The following MRPS28 variants were observed in gnomAD, a reference collection of about 807,000 sequenced individuals.
MRPS28 encodes the protein small ribosomal subunit protein bS1m.
MRPS28 carries 7 observed loss-of-function variants against 10.8 expected under a neutral mutation model. That is an observed-to-expected ratio of 0.65 (90% CI 0.37 to 1.22). The LOEUF is 1.22. MRPS28 is among the 50% of genes most tolerant of loss of function. The pLI is 0.02. For missense variants in MRPS28, 265 were observed against 232.9 expected, an observed-to-expected ratio of 1.14 and a Z score of -0.90; for synonymous variants, 121 against 93.3, an observed-to-expected ratio of 1.30 and a Z score of -1.71.
At chr8:79,973,685 T>G (rs1342015543) in intron 2 of MRPS28, among the ~76,000 whole-genome samples, 1 of 151,886 alleles carries the variant, frequency 6.6e-6, no homozygotes, top group African/African-American at 2.4e-5. Flanking sequence ...AAAAGAAAAT[T>G]TGGCCAAGTA....
chr8:79,919,276 T>C, intron 2 of MRPS28, 128 bp from the exon 3 acceptor site: 1 of 610,260 alleles, frequency 1.6e-6, no homozygotes. Context: ...ACTGGTATCT[T>C]AGAAATAGCT....
At chr8:80,002,529 C>T (rs777364516) in intron 2 of MRPS28, among the ~76,000 whole-genome samples, 8 of 152,012 alleles carry the variant, frequency 5.3e-5, no homozygotes, top group Non-Finnish European at 1.2e-4. Context: ...TTCTCCAGTG[C>T]CTATTTATAT....
chr8:79,937,164 C>T (rs1806625408), intron 2 of MRPS28, among the ~76,000 whole-genome samples: 1 of 152,182 alleles, frequency 6.6e-6, no homozygotes, highest in Admixed American at 6.5e-5. Context: ...CACCTGGCCA[C>T]AAGCTCTTAG....
At chr8:79,978,445 T>C (rs895182900) in intron 2 of MRPS28, among the ~76,000 whole-genome samples, 7 of 152,272 alleles carry the variant, frequency 4.6e-5, no homozygotes, top group East Asian at 1.9e-4. Flanking sequence ...TCACCATGCA[T>C]TGTGGATCAG....
intron 2 of MRPS28, among the ~76,000 whole-genome samples, chr8:79,981,946 T>C (rs2130079704): frequency 6.6e-6 from 1 of 152,328 alleles, no homozygotes; most frequent in East Asian, 1.9e-4. Flanking sequence ...CTATTTTAGG[T>C]CCAAAGTTAA....
chr8:79,919,941 T>TA (rs1810034640), intron 2 of MRPS28, among the ~76,000 whole-genome samples: 1 of 89,420 alleles, frequency 1.1e-5, no homozygotes, highest in Non-Finnish European at 2.2e-5. Flanking sequence ...ATGCTATCCC[T>TA]CCCCCCACCC....
intron 2 of MRPS28, among the ~76,000 whole-genome samples, chr8:79,994,366 A>G (rs1269570331): frequency 6.6e-6 from 1 of 152,202 alleles, no homozygotes; most frequent in Non-Finnish European, 1.5e-5. Context: ...AAAGTGATCT[A>G]CATCCGGGCA....
chr8:79,956,514 A>G (rs531431353), intron 2 of MRPS28: 1 of 152,290 alleles, frequency 6.6e-6, no homozygotes, highest in East Asian at 1.9e-4. Context: ...AGGGGTACAC[A>G]TGAAGGTTTG....
At chr8:79,926,020 GAGAAA>G (rs1329223847) in intron 2 of MRPS28, among the ~76,000 whole-genome samples, 2 of 150,876 alleles carry the variant, frequency 1.3e-5, no homozygotes, top group Non-Finnish European at 3.0e-5. Flanking sequence ...GAAAAAAAGA[GAGAAA>G]AGAAAAGAGG....
intron 1 of MRPS28, among the ~76,000 whole-genome samples, chr8:80,003,998 C>A (rs1000030716): frequency 4.6e-5 from 7 of 152,216 alleles, no homozygotes; most frequent in Admixed American, 3.9e-4. Flanking sequence ...GAAGCTCCAA[C>A]TGGGTGGAGC....
chr8:79,918,990 TG>T lies in MRPS28; in HGVS notation c.553del (p.His185MetfsTer5), dbSNP rs752936040. The part of the protein sequence containing the change: ...SKDSRSKEEH[H>X]EK The stretch of plus-strand genomic sequence containing the variant: ...CTAAGCAAAGTTCATTTATTTTTCA[TG>T]ATGTTCTTCTTTCGATCTTGAGTCT... On this transcript the variant is annotated frameshift_variant, in exon 3 of 3. Coordinates refer to ENST00000276585, the MANE Select transcript of MRPS28 (RefSeq NM_014018.3). LOFTEE classifies it high-confidence loss of function. 1 of 1,551,174 alleles carries T rather than the reference TG, an allele frequency of 6.4e-7. No individual in the cohort carries two copies. The highest frequency in any genetic ancestry group is 1.3e-5 in the South Asian group (1 of 78,966).
At chr8:79,969,693 T>C (rs1036122267) in intron 2 of MRPS28, among the ~76,000 whole-genome samples, 8 of 151,562 alleles carry the variant, frequency 5.3e-5, no homozygotes, top group African/African-American at 7.3e-5. Flanking sequence ...CTGGGCAAAA[T>C]AGCAAAACCC....
intron 2 of MRPS28, among the ~76,000 whole-genome samples, chr8:79,977,814 C>G (rs1268127517): frequency 6.8e-6 from 1 of 147,480 alleles, no homozygotes; most frequent in Non-Finnish European, 1.5e-5. Context: ...GAGACTGTCT[C>G]AAATAATAAT....
chr8:80,026,330 A>T (rs910861557), intron 1 of MRPS28, among the ~76,000 whole-genome samples: 2 of 152,210 alleles, frequency 1.3e-5, no homozygotes, highest in African/African-American at 4.8e-5. Context: ...ACTAAAACTA[A>T]TGTGGTATTT....
chr8:79,969,436 T>G (rs561683525), intron 2 of MRPS28, among the ~76,000 whole-genome samples: 1 of 152,054 alleles, frequency 6.6e-6, no homozygotes, highest in Non-Finnish European at 1.5e-5. Context: ...TAGAAAGAAA[T>G]CTCACAGAAC....
chr8:79,995,042 G>A (rs1436939884), intron 2 of MRPS28, among the ~76,000 whole-genome samples: 1 of 152,006 alleles, frequency 6.6e-6, no homozygotes, highest in East Asian at 1.9e-4. Context: ...TTGAACCATC[G>A]ATTCCTTCTC....
intron 2 of MRPS28, among the ~76,000 whole-genome samples, chr8:79,944,157 C>A (rs938668980): frequency 2.6e-5 from 4 of 152,178 alleles, no homozygotes; most frequent in African/African-American, 9.6e-5. Context: ...GAAATATGAT[C>A]TGGTTAAAAA....
At chr8:80,011,135 A>ATTTTTTTTT (rs149203015) in intron 1 of MRPS28, among the ~76,000 whole-genome samples, 9 of 136,160 alleles carry the variant, frequency 6.6e-5, no homozygotes, top group East Asian at 2.1e-4. Flanking sequence ...TTATTTTTTT[A>ATTTTTTTTT]TTTTTATTTT....
chr8:79,958,394 T>C, intron 2 of MRPS28: 1 of 698,510 alleles, frequency 1.4e-6, no homozygotes. Flanking sequence ...TATCATCACT[T>C]GTGAAAATCT....
Sources: allele counts gnomAD v4.1 joint callset (sites outside exome capture counted in the v4.1 genomes callset), GRCh38; gene constraint gnomAD v4.1.1; transcripts MANE v1.5; gene names NCBI Gene and HGNC (gene_info 2026-07-23, HGNC 2026-07-21).